NUDT7: variants seen among roughly 807,000 people sequenced by gnomAD.
NUDT7 encodes the protein nudix hydrolase 7.
In NUDT7, 19 loss-of-function variants were observed where a neutral mutation model predicts 13.1. That is an observed-to-expected ratio of 1.45 (90% CI 1.01 to 2.13). NUDT7 has a LOEUF of 2.13. NUDT7 is among the 30% of genes most tolerant of loss of function. The pLI, the probability that NUDT7 is intolerant of heterozygous loss-of-function variation, is 0.00. For missense variants in NUDT7, 360 were observed against 291.7 expected (o/e 1.23, Z -1.71); for synonymous variants, 132 against 109.7 (o/e 1.20, Z -1.27).
chr16:77,736,009 A>T (rs761189262), intron 3 of NUDT7, 23 bp downstream of exon 3: 1 of 1,611,504 alleles, frequency 6.2e-7, no homozygotes, highest in Non-Finnish European at 8.5e-7. Context: ...TGAGACACTC[A>T]TGAGCACCGT....
chr16:77,738,151 C>T (rs72628228), intron 3 of NUDT7, among the ~76,000 whole-genome samples: 9,097 of 152,168 alleles, frequency 0.06, 376 homozygotes, highest in East Asian at 0.17. Context: ...AGTTGATTTC[C>T]GCAAATCCAC....
intron 3 of NUDT7, among the ~76,000 whole-genome samples, chr16:77,738,960 G>A (rs757292744): frequency 3.3e-5 from 5 of 152,298 alleles, no homozygotes; most frequent in Non-Finnish European, 5.9e-5. Flanking sequence ...AGGCTTCTTC[G>A]CGATCAGATT....
chr16:77,722,742 C>A, intron 1 of NUDT7, 125 bp downstream of exon 1: 1 of 880,110 alleles, frequency 1.1e-6, no homozygotes. Context: ...CTGCGAGCGC[C>A]GGATGGGGGA....
At chr16:77,739,461 G>A (rs1408483283) in intron 3 of NUDT7, among the ~76,000 whole-genome samples, 1 of 152,192 alleles carries the variant, frequency 6.6e-6, no homozygotes, top group African/African-American at 2.4e-5. Flanking sequence ...ACTAGTGGGA[G>A]TATCTTTTAA....
In NUDT7 at chr16:77,742,111, T is replaced by C; in HGVS notation, c.*161T>C. On this transcript the variant is annotated 3_prime_UTR_variant, in exon 4 of 4. Coordinates refer to ENST00000268533, the MANE Select transcript of NUDT7 (RefSeq NM_001105663.3). ...TCTTTTCCAGTTGCCTTCTATTGTCTGAAAAAGTAAAAGCCATTCAAAAAT... is the reference window on the plus strand; with the variant it reads ...TCTTTTCCAGTTGCCTTCTATTGTCCGAAAAAGTAAAAGCCATTCAAAAAT... The C allele has an allele frequency of 7.3e-7, 1 of 1,377,594 alleles. No homozygotes were observed. The highest frequency in any genetic ancestry group is 1.9e-5 in the South Asian group (1 of 53,062). The allele number at this position is 1,377,594 out of a possible 1,614,324, so 85.3% of individuals were successfully genotyped here.
At chr16:77,728,072 G>A (rs939966772) in intron 2 of NUDT7, among the ~76,000 whole-genome samples, 1 of 151,996 alleles carries the variant, frequency 6.6e-6, no homozygotes, top group Non-Finnish European at 1.5e-5. Flanking sequence ...CTATCTGGCT[G>A]TAGGGGTGAG....
chr16:77,732,541 C>T (rs1345469210), intron 2 of NUDT7, among the ~76,000 whole-genome samples: 1 of 151,968 alleles, frequency 6.6e-6, no homozygotes, highest in Non-Finnish European at 1.5e-5. Flanking sequence ...TCTTTTATAC[C>T]ATATTTTTAC....
At chr16:77,740,367 T>C (rs1288955133) in intron 3 of NUDT7, among the ~76,000 whole-genome samples, 2 of 152,110 alleles carry the variant, frequency 1.3e-5, no homozygotes, top group African/African-American at 4.8e-5. Context: ...TTCCACCCAC[T>C]TCCTCTTGGG....
chr16:77,725,391 C>T, intron 1 of NUDT7, 40 bp from the exon 2 acceptor site: 1 of 1,579,804 alleles, frequency 6.3e-7, no homozygotes, highest in Admixed American at 1.7e-5. Context: ...TACCATAACT[C>T]TGCTTGCTAA....
In NUDT7 at chr16:77,725,659, A is replaced by G. The variant is rs751376022; in HGVS notation, c.189+75A>G. On this transcript the variant is annotated intron_variant, in intron 2 of 3. Transcript: ENST00000268533. ...CCTCACGAGATTTTGTCACTTGCAC[A>G]CACTTTGATGCCAAAATTCTCAAAA... 45 of 1,408,418 alleles carry G rather than the reference A, an allele frequency of 3.2e-5. No homozygotes were observed. The African/African-American group carries it at 5.7e-4, about 18-fold the overall frequency. The allele number at this position is 1,408,418 out of a possible 1,614,324, so 87.2% of individuals were successfully genotyped here.
At position 77,725,520 on chromosome 16, in the gene NUDT7, T is replaced by C. The variant is rs1365733147; in HGVS notation, c.125T>C (p.Val42Ala). The stretch of plus-strand genomic sequence containing the variant: ...CACTTGCCATATAACAAATACTCCG[T>C]CCTTTTGCCATTGGTGGCTAAAGAA... ...YSHLPYNKYS[V>A]LLPLVAKEGK... is the part of the protein sequence containing the mutation. Residue 42 changes from valine to alanine, a missense_variant, in exon 2 of 4, where the codon GTC (valine) becomes GCC (alanine). Physicochemically the swap from Val to Ala is moderately conservative, Grantham distance 64. Coordinates refer to ENST00000268533, the MANE Select transcript of NUDT7 (RefSeq NM_001105663.3). 1 of 1,614,038 alleles carries C rather than the reference T, an allele frequency of 6.2e-7. No individual in the cohort carries two copies. Among genetic ancestry groups the C allele is most frequent in the Non-Finnish European group, 8.5e-7 (1 of 1,180,012 alleles).
chr16:77,738,999 C>A (rs190858589), intron 3 of NUDT7, among the ~76,000 whole-genome samples: 140 of 152,308 alleles, frequency 9.2e-4, no homozygotes, highest in Middle Eastern at 3.4e-3. Flanking sequence ...GTGCTGGGAA[C>A]TAGACTAGGT....
chr16:77,724,980 G>A (rs982880255), intron 1 of NUDT7, among the ~76,000 whole-genome samples: 10 of 150,892 alleles, frequency 6.6e-5, no homozygotes, highest in African/African-American at 2.5e-4. Flanking sequence ...CGCTCCAGGT[G>A]ATTCTGTTGC....
intron 2 of NUDT7, among the ~76,000 whole-genome samples, chr16:77,734,923 T>C (rs2014430825): frequency 6.6e-6 from 1 of 152,142 alleles, no homozygotes; most frequent in Non-Finnish European, 1.5e-5. Context: ...GTAGGGATGA[T>C]TGTACAACAC....
At chr16:77,724,594 A>G (rs2014069324) in intron 1 of NUDT7, among the ~76,000 whole-genome samples, 1 of 152,142 alleles carries the variant, frequency 6.6e-6, no homozygotes, top group East Asian at 1.9e-4. Context: ...TATCAGGACA[A>G]CAGTCATTGG....
At chr16:77,725,034 A>G (rs1053617342) in intron 1 of NUDT7, among the ~76,000 whole-genome samples, 6 of 152,330 alleles carry the variant, frequency 3.9e-5, no homozygotes, top group Admixed American at 3.9e-4. Flanking sequence ...TGAAGACATA[A>G]GAGTTTGAGA....
In NUDT7 at chr16:77,736,539, G is replaced by C. The variant is rs545952548; in HGVS notation, c.348+553G>C. 240 of 163,270 alleles carry C rather than the reference G, an allele frequency of 1.5e-3. 2 individuals carry two copies. Among genetic ancestry groups the C allele is most frequent in the African/African-American group, 5.5e-3 (233 of 41,984 alleles). 10.1% of individuals were successfully genotyped at this position (163,270 alleles called of 1,614,324 possible). On this transcript the variant is annotated intron_variant, in intron 3 of 3. Transcript: ENST00000268533. ...TCATAACTGCATTTGTGTTGGATCA[G>C]GATTTCCTTGATAGTATAATATACA...
chr16:77,739,527 C>T (rs921346556), intron 3 of NUDT7, among the ~76,000 whole-genome samples: 2 of 152,124 alleles, frequency 1.3e-5, no homozygotes, highest in African/African-American at 4.8e-5. Flanking sequence ...CCAGAGGTTA[C>T]TTTCATTGCC....
intron 3 of NUDT7, chr16:77,736,232 C>A: frequency 2.3e-6 from 1 of 443,130 alleles, no homozygotes; most frequent in Non-Finnish European, 4.1e-6. Context: ...GGATTTCAAA[C>A]TGGATGCCAT....
Sources: gnomAD v4.1 joint callset for allele counts (sites outside exome capture counted in the v4.1 genomes callset) on GRCh38, gnomAD v4.1.1 for gene constraint, MANE v1.5 for transcripts, NCBI Gene and HGNC (gene_info 2026-07-23, HGNC 2026-07-21) for gene names.